Variants in DNAJC6 observed in about 807,000 individuals in gnomAD.
DNAJC6 encodes DnaJ heat shock protein family (Hsp40) member C6, also known as auxilin.
In DNAJC6, 34 loss-of-function variants were observed where a neutral mutation model predicts 110.0. The ratio of observed to expected loss-of-function variants is 0.31; its 90% CI spans 0.24 to 0.41. The LOEUF is 0.41. Ranked by LOEUF, DNAJC6 falls within the 10% of genes least tolerant of loss-of-function variation. The probability of loss-of-function intolerance (pLI) is 1.00; values close to 1 mark genes in which losing one functional copy is unlikely to be tolerated. For synonymous variants in DNAJC6, 406 were observed against 437.2 expected, an observed-to-expected ratio of 0.93 and a Z score of 0.89; for missense variants, 1,031 against 1,207.8, an observed-to-expected ratio of 0.85 and a Z score of 2.17.
intron 9 of DNAJC6, 105 bp from the exon 10 acceptor site, chr1:65,389,151 G>A (rs1456527846): frequency 9.6e-7 from 1 of 1,043,418 alleles, no homozygotes; most frequent in Middle Eastern, 3.2e-4. Context: ...TTAGAAATGA[G>A]ACTTAGATTT....
At chr1:65,291,040 G>GT (rs1321720098) in intron 1 of DNAJC6, among the ~76,000 whole-genome samples, 1 of 152,100 alleles carries the variant, frequency 6.6e-6, no homozygotes, top group Non-Finnish European at 1.5e-5. Flanking sequence ...TGAATTTTTT[G>GT]TTTGTTTGTT....
Position 65,338,291 on chromosome 1 carries a change from A to G in DNAJC6, c.194-26344A>G, listed in dbSNP as rs563489162. On this transcript the variant is annotated intron_variant, in intron 1 of 18. Coordinates refer to ENST00000371069, the MANE Select transcript of DNAJC6 (RefSeq NM_001256864.2). ...ACTTATTTGCTTTGTGCCACAATAC[A>G]CAGCCACAGAATCACAATACCAACA... Among the ~76,000 whole-genome samples, 284 of 152,302 alleles carry G rather than the reference A, an allele frequency of 1.9e-3. 3 individuals carry two copies. The highest frequency in any genetic ancestry group is 6.1e-3 in the African/African-American group (254 of 41,568).
Position 65,408,818 on chromosome 1 carries a change from A to G in DNAJC6, c.2634+35A>G, listed in dbSNP as rs781359950. 3.1e-6 allele frequency: 5 copies of G among 1,604,438 alleles called. No individual in the cohort carries two copies. In the Admixed American group the frequency reaches 7.0e-5, roughly 22 times the overall value. On this transcript the variant is annotated intron_variant, in intron 17 of 18. Coordinates refer to ENST00000371069, the MANE Select transcript of DNAJC6 (RefSeq NM_001256864.2). ...GCCCCTGACGCAGCTTGATTATCCTATATGACAAAGTCATGTGATAAAGTC... is the reference window on the plus strand; with the variant it reads ...GCCCCTGACGCAGCTTGATTATCCTGTATGACAAAGTCATGTGATAAAGTC...
intron 1 of DNAJC6, among the ~76,000 whole-genome samples, chr1:65,289,147 T>C (rs187627965): frequency 1.1e-4 from 17 of 152,296 alleles, no homozygotes; most frequent in South Asian, 8.3e-4. Context: ...GGGTGTGAGA[T>C]TTCTAGTTAT....
intron 1 of DNAJC6, among the ~76,000 whole-genome samples, chr1:65,285,218 C>T (rs1653978672): frequency 6.6e-6 from 1 of 152,294 alleles, no homozygotes; most frequent in South Asian, 2.1e-4. Context: ...GGAGTGTTCT[C>T]AATATGACCA....
In DNAJC6 at chr1:65,392,523, T is replaced by C. The variant is rs1020669766; in HGVS notation, c.1561T>C (p.Ser521Pro). 13 of 1,613,936 alleles carry C rather than the reference T, an allele frequency of 8.1e-6. No homozygotes were observed. Among genetic ancestry groups the C allele is most frequent in the Non-Finnish European group, 1.1e-5 (13 of 1,180,004 alleles). Reference sequence around the variant, plus strand: ...ATCAGATGATGAACTTCTGACACTTTCCAGTCCGCATGGCAATGCCAATGG... The same window carrying C: ...ATCAGATGATGAACTTCTGACACTTCCCAGTCCGCATGGCAATGCCAATGG... ...EQSDDELLTL[S>P]SPHGNANGDK... Residue 521 changes from serine (S) to proline (P), a missense_variant, in exon 12 of 19, where the codon TCC becomes CCC. Ser to Pro is a moderately conservative substitution (Grantham distance 74). Coordinates refer to ENST00000371069, the MANE Select transcript of DNAJC6 (RefSeq NM_001256864.2).
At chr1:65,391,595 G>A (rs1391356499) in intron 11 of DNAJC6, among the ~76,000 whole-genome samples, 1 of 152,072 alleles carries the variant, frequency 6.6e-6, no homozygotes, top group Non-Finnish European at 1.5e-5. Flanking sequence ...AGGACACATG[G>A]AGAAGTAAAG....
chr1:65,295,359 C>T (rs890389806), intron 1 of DNAJC6, among the ~76,000 whole-genome samples: 2 of 152,176 alleles, frequency 1.3e-5, no homozygotes, highest in African/African-American at 4.8e-5. Flanking sequence ...GCTCCTTCAA[C>T]CTCTGTGTGT....
intron 11 of DNAJC6, among the ~76,000 whole-genome samples, chr1:65,390,313 C>G (rs1645914438): frequency 6.6e-6 from 1 of 152,208 alleles, no homozygotes; most frequent in Admixed American, 6.5e-5. Context: ...CAGCATTCCC[C>G]CCAGGGAGCC....
At position 65,292,736 on chromosome 1, in the gene DNAJC6, G is replaced by GT. The variant is rs1337235141; in HGVS notation, c.-131+27811dup. 2.0e-5 allele frequency among the ~76,000 whole-genome samples: 3 copies of GT among 152,046 alleles called. No individual in the cohort carries two copies. The East Asian group carries it at 5.8e-4, about 29-fold the overall frequency. On this transcript the variant is annotated intron_variant, in intron 1 of 19. Coordinates refer to the DNAJC6 transcript ENST00000263441. ...AGGTGTGAGCCATTAGACCCAGCCAGTTTTTTTATTTTTTATTTTTATTAT... is the reference window on the plus strand; with the variant it reads ...AGGTGTGAGCCATTAGACCCAGCCAGTTTTTTTTATTTTTTATTTTTATTAT...
intron 1 of DNAJC6, among the ~76,000 whole-genome samples, chr1:65,320,789 A>G (rs1216915712): frequency 6.6e-6 from 1 of 152,192 alleles, no homozygotes; most frequent in Non-Finnish European, 1.5e-5. Flanking sequence ...AGCAGAGAAT[A>G]GCTCAGGATG....
chr1:65,400,710 T>C (rs1279049885), intron 14 of DNAJC6, among the ~76,000 whole-genome samples: 1 of 152,224 alleles, frequency 6.6e-6, no homozygotes, highest in Non-Finnish European at 1.5e-5. Flanking sequence ...ATACACCATA[T>C]TTTATTTATC....
intron 11 of DNAJC6, among the ~76,000 whole-genome samples, chr1:65,391,248 C>A (rs945779073): frequency 6.6e-6 from 1 of 152,148 alleles, no homozygotes; most frequent in African/African-American, 2.4e-5. Context: ...AGTTTTCCAC[C>A]AACTGAATTC....
chr1:65,289,032 T>C (rs1258384989), intron 1 of DNAJC6, among the ~76,000 whole-genome samples: 1 of 152,208 alleles, frequency 6.6e-6, no homozygotes, highest in African/African-American at 2.4e-5. Context: ...GTTGGTTATA[T>C]ATGTTAAAAA....
At chr1:65,288,011 A>C (rs1654078003) in intron 1 of DNAJC6, among the ~76,000 whole-genome samples, 1 of 152,188 alleles carries the variant, frequency 6.6e-6, no homozygotes, top group South Asian at 2.1e-4. Flanking sequence ...TTTTCAGTGT[A>C]ATACTCAGCC....
At chr1:65,333,507 A>G (rs747578476) in intron 1 of DNAJC6, among the ~76,000 whole-genome samples, 7 of 152,250 alleles carry the variant, frequency 4.6e-5, no homozygotes, top group Admixed American at 1.3e-4. Context: ...ACTGAGGCTT[A>G]AAGGGGTTAA....
At chr1:65,351,060 T>G (rs965301595) in intron 1 of DNAJC6, among the ~76,000 whole-genome samples, 3 of 152,190 alleles carry the variant, frequency 2.0e-5, no homozygotes, top group African/African-American at 7.2e-5. Flanking sequence ...TATTTTCTTT[T>G]ATATTGTCCC....
chr1:65,350,384 C>G (rs1645479609), intron 1 of DNAJC6, among the ~76,000 whole-genome samples: 1 of 151,996 alleles, frequency 6.6e-6, no homozygotes, highest in Admixed American at 6.6e-5. Context: ...ATTAGACTAC[C>G]TCTTTGTTTA....
chr1:65,279,087 T>C, intron 1 of DNAJC6: 6 of 985,430 alleles, frequency 6.1e-6, no homozygotes, highest in Non-Finnish European at 7.2e-6. Flanking sequence ...AAAGGGAAAT[T>C]CGTGCCTGTG....
Sources: gnomAD v4.1 joint callset for allele counts (sites outside exome capture counted in the v4.1 genomes callset) on GRCh38, gnomAD v4.1.1 for gene constraint, MANE v1.5 for transcripts, NCBI Gene and HGNC (gene_info 2026-07-23, HGNC 2026-07-21) for gene names.